Variants in C11orf65 observed in about 807,000 individuals in gnomAD.
C11orf65 encodes the protein chromosome 11 open reading frame 65, also known as protein MFI.
A neutral mutation model predicts 35.3 loss-of-function variants in C11orf65; 38 were observed. The ratio of observed to expected loss-of-function variants is 1.08; its 90% confidence interval spans 0.83 to 1.41. The LOEUF (loss-of-function observed/expected upper bound fraction) is 1.41, where lower values mean the gene tolerates loss of function less well. C11orf65 is among the 40% of genes most tolerant of loss of function. C11orf65 has a pLI of 0.00. For synonymous variants in C11orf65, 105 were observed against 114.4 expected, an observed-to-expected ratio of 0.92 and a Z score of 0.53; for missense variants, 370 against 367.1, an observed-to-expected ratio of 1.01 and a Z score of -0.06.
At chr11:108,415,041 A>G (rs973028378) in intron 3 of C11orf65, among the ~76,000 whole-genome samples, 8 of 152,148 alleles carry the variant, frequency 5.3e-5, no homozygotes, top group African/African-American at 1.9e-4. Context: ...CTAATTAATA[A>G]TATCTACAAG....
intron 8 of C11orf65, among the ~76,000 whole-genome samples, chr11:108,385,175 C>T (rs569042440): frequency 2.6e-5 from 4 of 152,004 alleles, no homozygotes; most frequent in South Asian, 2.1e-4. Flanking sequence ...CCTGTTCAAA[C>T]GATTCTCTTG....
intron 2 of C11orf65, among the ~76,000 whole-genome samples, chr11:108,370,361 T>C (rs538430970): frequency 6.6e-6 from 1 of 152,170 alleles, no homozygotes; most frequent in African/African-American, 2.4e-5. Flanking sequence ...TATATAGTCA[T>C]ATCATCTATG....
exon 7 of C11orf65, chr11:108,308,593 A>G (rs1334424486): frequency 1.0e-5 from 2 of 194,118 alleles, no homozygotes; most frequent in African/African-American, 4.7e-5. Flanking sequence ...TTGAGAGTTG[A>G]CCAGAACTCT....
In C11orf65 at chr11:108,385,920, C is replaced by A. The variant is rs748183081; in HGVS notation, c.787G>T (p.Gly263Ter). 6.8e-6 allele frequency: 11 copies of A among 1,613,634 alleles called. No homozygotes were observed. In the Admixed American group the frequency reaches 1.8e-4, roughly 27 times the overall value. The stretch of plus-strand genomic sequence containing the variant: ...TAAAGTACTGCTAAAAATCACCTAC[C>A]TTTGAAGTTAGCCGAAGAGTTGCTT... ...ATSNSSANFK[G>*]FRFNQAQKNI... Residue 263 changes from glycine (G) to a stop codon, truncating the protein, a stop_gained and splice_region_variant, in exon 8 of 9, where the codon GGA (glycine) becomes TGA (stop). Transcript: ENST00000393084. LOFTEE classifies it low-confidence loss of function (END_TRUNC).
intron 2 of C11orf65, among the ~76,000 whole-genome samples, chr11:108,335,544 C>T (rs2086746185): frequency 6.6e-6 from 1 of 152,138 alleles, no homozygotes; most frequent in South Asian, 2.1e-4. Flanking sequence ...TTGGGTCCTA[C>T]TGGGGAGTGG....
At chr11:108,429,008 A>G (rs958663196) in intron 3 of C11orf65, among the ~76,000 whole-genome samples, 3 of 152,074 alleles carry the variant, frequency 2.0e-5, no homozygotes, top group African/African-American at 4.8e-5. Context: ...TTAGCTGGGC[A>G]TGGTGGCATG....
intron 2 of C11orf65, among the ~76,000 whole-genome samples, chr11:108,452,088 G>C (rs1337413105): frequency 6.6e-6 from 1 of 151,762 alleles, no homozygotes. Flanking sequence ...TCAGGACATA[G>C]GCATGGGCAA....
chr11:108,322,070 G>T (rs1047536083), intron 6 of C11orf65, among the ~76,000 whole-genome samples: 2 of 152,066 alleles, frequency 1.3e-5, no homozygotes, highest in African/African-American at 4.8e-5. Flanking sequence ...TCTCTGCCTT[G>T]CTAAACTAGA....
rs1555152041 is a variant in C11orf65, at chr11:108,365,473, A to G, written c.226+27735T>C. ...GCAGGCCATAGACCCCAAAAATCTC[A>G]GCCGACTTTTCCCAGGATGGAAAGC... is the stretch of plus-strand genomic sequence containing the variant. On this transcript the variant is annotated intron_variant, in intron 2 of 3. Coordinates refer to the C11orf65 transcript ENST00000524755. 3.7e-6 allele frequency: 6 copies of G among 1,613,820 alleles called. 1 individual carries two copies. In the East Asian group the frequency reaches 1.3e-4, roughly 36 times the overall value.
At chr11:108,314,115 G>T (rs1591766843) in intron 6 of C11orf65, among the ~76,000 whole-genome samples, 1 of 151,806 alleles carries the variant, frequency 6.6e-6, no homozygotes, top group South Asian at 2.1e-4. Context: ...CTAATGTACA[G>T]TTTTTTTGTT....
At chr11:108,442,756 T>A (rs1026667114) in intron 2 of C11orf65, among the ~76,000 whole-genome samples, 19 of 152,086 alleles carry the variant, frequency 1.2e-4, no homozygotes, top group Non-Finnish European at 2.1e-4. Context: ...AATAAAATAC[T>A]TTACAGACAA....
At chr11:108,444,521 A>G (rs1207597430) in intron 2 of C11orf65, among the ~76,000 whole-genome samples, 2 of 152,188 alleles carry the variant, frequency 1.3e-5, no homozygotes, top group African/African-American at 2.4e-5. Flanking sequence ...ACAAAAAAAG[A>G]GAATTTTAGA....
rs765878162 is a variant in C11orf65 at position 108,383,188 on chromosome 11, G to A, written c.788-13C>T. The stretch of plus-strand genomic sequence containing the variant: ...TTAAACCTGAATCCTAAAGAGAAGT[G>A]ACAAATGATTAGAAAGATACCAGAT... On this transcript the variant is annotated splice_polypyrimidine_tract_variant and intron_variant, in intron 8 of 8. Coordinates refer to ENST00000393084, the MANE Select transcript of C11orf65 (RefSeq NM_152587.5). 1.4e-5 allele frequency: 22 copies of A among 1,562,968 alleles called. No homozygotes were observed. Among genetic ancestry groups the A allele is most frequent in the Non-Finnish European group, 1.8e-5 (21 of 1,154,256 alleles).
intron 2 of C11orf65, chr11:108,354,970 T>C: frequency 9.6e-7 from 1 of 1,041,894 alleles, no homozygotes; most frequent in Non-Finnish European, 1.5e-6. Context: ...ACTGCTTCAT[T>C]TTAACATAGG....
At chr11:108,456,624 A>G (rs182099233) in intron 2 of C11orf65, among the ~76,000 whole-genome samples, 4 of 151,946 alleles carry the variant, frequency 2.6e-5, no homozygotes, top group Non-Finnish European at 5.9e-5. Context: ...TCTACAAAAA[A>G]TTAAAAAATT....
rs2092186762 is a variant in C11orf65 at position 108,392,393 on chromosome 11, CATTT to C, written c.731+811_731+814del. Among the ~76,000 whole-genome samples, 3 of 144,410 alleles carry C rather than the reference CATTT, an allele frequency of 2.1e-5. No homozygotes were observed. In the South Asian group the frequency reaches 6.8e-4, roughly 33 times the overall value. The allele number at this position is 144,410 out of a possible 152,430, so 94.7% of individuals were successfully genotyped here. A position where few individuals can be genotyped will look rare whatever the true frequency, so the allele number is the denominator to read the frequency against. On this transcript the variant is annotated intron_variant, in intron 7 of 8. Coordinates refer to ENST00000393084, the MANE Select transcript of C11orf65 (RefSeq NM_152587.5). Reference sequence around the variant, plus strand: ...TCTATTGGATAGATCTATCATATTTCATTTAGCCATTCGTCAGCTCATGGACATT... The same window carrying C: ...TCTATTGGATAGATCTATCATATTTCAGCCATTCGTCAGCTCATGGACATT...
Position 108,457,372 on chromosome 11 carries a change from G to A in C11orf65, c.81+4107C>T, listed in dbSNP as rs183454198. On this transcript the variant is annotated intron_variant, in intron 2 of 8. Coordinates refer to ENST00000393084, the MANE Select transcript of C11orf65 (RefSeq NM_152587.5). ...AAATAGTTAAAAATGGGCCAGGCGC[G>A]GTGGCTCACACCTGTAATCCCAGCA... is the stretch of plus-strand genomic sequence containing the variant. 3.2e-4 allele frequency among the ~76,000 whole-genome samples: 48 copies of A among 152,210 alleles called. 1 individual carries two copies. The highest frequency in any genetic ancestry group is 8.3e-4 in the South Asian group (4 of 4,810).
At chr11:108,325,062 A>AT (rs1204018947) in intron 6 of C11orf65, among the ~76,000 whole-genome samples, 1 of 151,904 alleles carries the variant, frequency 6.6e-6, no homozygotes, top group Non-Finnish European at 1.5e-5. Context: ...AGTATTAAAA[A>AT]TTTTTTTTGA....
chr11:108,437,109 A>AGGG (rs1401745662), intron 2 of C11orf65, among the ~76,000 whole-genome samples: 8 of 97,664 alleles, frequency 8.2e-5, no homozygotes, highest in African/African-American at 2.4e-4. Flanking sequence ...AAAAAAAAAA[A>AGGG]AGGGGGGGGG....
Sources: allele counts gnomAD v4.1 joint callset (sites outside exome capture counted in the v4.1 genomes callset), GRCh38; gene constraint gnomAD v4.1.1; transcripts MANE v1.5; gene names NCBI Gene and HGNC (gene_info 2026-07-23, HGNC 2026-07-21).